Variants in KHDRBS3 observed in about 807,000 individuals in gnomAD.
KHDRBS3 encodes KH domain-containing, RNA-binding, signal transduction-associated protein 3.
KHDRBS3 carries 23 observed loss-of-function variants against 45.6 expected under a neutral mutation model. That is an observed-to-expected ratio of 0.50 (90% CI 0.36 to 0.72). KHDRBS3 has a LOEUF of 0.72. KHDRBS3 is among the 30% of genes least tolerant of loss of function. KHDRBS3 has a pLI of 0.00. For missense variants in KHDRBS3, 352 were observed against 424.8 expected (o/e 0.83, Z 1.51); for synonymous variants, 162 against 156.5 (o/e 1.04, Z -0.26).
intron 5 of KHDRBS3, among the ~76,000 whole-genome samples, chr8:135,559,844 C>T (rs1031151942): frequency 1.2e-4 from 18 of 152,290 alleles, no homozygotes; most frequent in South Asian, 1.0e-3. Context: ...TCTCCTACCC[C>T]TTTGAAATAA....
chr8:135,473,819 C>A (rs946771417), intron 1 of KHDRBS3, among the ~76,000 whole-genome samples: 1 of 152,198 alleles, frequency 6.6e-6, no homozygotes, highest in Non-Finnish European at 1.5e-5. Context: ...AAGGGCCCCT[C>A]CTCAGAAGAC....
At chr8:135,485,945 G>A (rs142098437) in intron 1 of KHDRBS3, among the ~76,000 whole-genome samples, 3 of 151,046 alleles carry the variant, frequency 2.0e-5, no homozygotes, top group African/African-American at 7.3e-5. Flanking sequence ...ACTACCAAGG[G>A]CCTTAGCTCC....
downstream of KHDRBS3, among the ~76,000 whole-genome samples, chr8:135,649,478 T>C (rs1388555124): frequency 6.6e-6 from 1 of 152,202 alleles, no homozygotes; most frequent in Non-Finnish European, 1.5e-5. Context: ...GTGAGCTTGG[T>C]TTTTTCCCTA....
chr8:135,504,456 G>A (rs1823889310), intron 1 of KHDRBS3, among the ~76,000 whole-genome samples: 1 of 152,168 alleles, frequency 6.6e-6, no homozygotes, highest in South Asian at 2.1e-4. Flanking sequence ...GCTGGTTGTA[G>A]CATTTGTATG....
Position 135,619,552 on chromosome 8 carries a change from T to C in KHDRBS3, c.890+12515T>C, listed in dbSNP as rs1383497203. ...ATTTAACCTGTGCTCTAGAGTAAAATGGGGATGACAATAATAGTACTGACC... is the reference window on the plus strand; with the variant it reads ...ATTTAACCTGTGCTCTAGAGTAAAACGGGGATGACAATAATAGTACTGACC... On this transcript the variant is annotated intron_variant, in intron 7 of 8. Transcript: ENST00000355849. Among the ~76,000 whole-genome samples the C allele has an allele frequency of 1.3e-5, 2 of 152,128 alleles. 1 individual carries two copies. The highest frequency in any genetic ancestry group is 2.9e-5 in the Non-Finnish European group (2 of 68,022).
intron 6 of KHDRBS3, among the ~76,000 whole-genome samples, chr8:135,589,252 T>C (rs1828628195): frequency 6.6e-6 from 1 of 152,192 alleles, no homozygotes; most frequent in African/African-American, 2.4e-5. Flanking sequence ...AAATAATGTA[T>C]TCTTCATACT....
intron 1 of KHDRBS3, among the ~76,000 whole-genome samples, chr8:135,495,767 G>T (rs1353315487): frequency 6.6e-6 from 1 of 152,130 alleles, no homozygotes; most frequent in African/African-American, 2.4e-5. Context: ...GGCCATCACT[G>T]GATGGATAGG....
At chr8:135,559,222 A>G (rs538223250) in intron 5 of KHDRBS3, among the ~76,000 whole-genome samples, 1 of 152,264 alleles carries the variant, frequency 6.6e-6, no homozygotes, top group African/African-American at 2.4e-5. Flanking sequence ...TTCTTTTTCT[A>G]GATAAGGTTC....
intron 1 of KHDRBS3, among the ~76,000 whole-genome samples, chr8:135,476,234 C>T (rs779952518): frequency 1.4e-4 from 22 of 152,076 alleles, no homozygotes; most frequent in Non-Finnish European, 2.5e-4. Context: ...ACCTCTGCCT[C>T]TTGGGTTCAA....
At chr8:135,650,026 G>A (rs1283962176), downstream of KHDRBS3, among the ~76,000 whole-genome samples, 3 of 151,914 alleles carry the variant, frequency 2.0e-5, no homozygotes, top group Non-Finnish European at 2.9e-5. Context: ...GTCTTCTCAC[G>A]TCTCTAAGAG....
chr8:135,504,411 T>C (rs886946272), intron 1 of KHDRBS3, among the ~76,000 whole-genome samples: 3 of 152,210 alleles, frequency 2.0e-5, no homozygotes, highest in Non-Finnish European at 4.4e-5. Flanking sequence ...TTGGCTTCAT[T>C]TGTTCCCAAG....
At chr8:135,564,965 A>C (rs571582963) in intron 5 of KHDRBS3, among the ~76,000 whole-genome samples, 1 of 152,228 alleles carries the variant, frequency 6.6e-6, no homozygotes, top group South Asian at 2.1e-4. Flanking sequence ...TAGCGTTCTA[A>C]ATGTTAAAAT....
At chr8:135,645,826 A>G (rs2131203309) in intron 8 of KHDRBS3, among the ~76,000 whole-genome samples, 1 of 152,316 alleles carries the variant, frequency 6.6e-6, no homozygotes, top group Admixed American at 6.5e-5. Context: ...ATCAGTTGCA[A>G]AGCTCTGATG....
At chr8:135,460,865 C>A (rs1277929463) in intron 1 of KHDRBS3, among the ~76,000 whole-genome samples, 2 of 151,810 alleles carry the variant, frequency 1.3e-5, no homozygotes, top group African/African-American at 4.9e-5. Context: ...GAGGTGTAGT[C>A]GTTCTTTAAA....
intron 2 of KHDRBS3, chr8:135,540,249 G>A (rs1825978698): frequency 1.3e-5 from 2 of 152,138 alleles, no homozygotes; most frequent in Non-Finnish European, 2.9e-5. Context: ...TAGATAAATG[G>A]TAACGGAGAC....
chr8:135,586,140 T>C (rs1046770624), intron 6 of KHDRBS3, among the ~76,000 whole-genome samples: 1 of 152,148 alleles, frequency 6.6e-6, no homozygotes, highest in African/African-American at 2.4e-5. Context: ...CACAAGGCAC[T>C]TTGATATATG....
At chr8:135,607,110 A>T in intron 7 of KHDRBS3, 73 bp downstream of exon 7, 1 of 1,186,766 alleles carries the variant, frequency 8.4e-7, no homozygotes, top group South Asian at 1.4e-5. Context: ...TTCTGGGAAA[A>T]GTATGGCAGT....
intron 2 of KHDRBS3, among the ~76,000 whole-genome samples, chr8:135,522,493 C>T (rs999010858): frequency 2.0e-5 from 3 of 152,100 alleles, no homozygotes; most frequent in African/African-American, 4.8e-5. Context: ...TACTTTTTTC[C>T]AAAGCACTTA....
chr8:135,617,347 T>A (rs1281404350), intron 7 of KHDRBS3, among the ~76,000 whole-genome samples: 1 of 151,894 alleles, frequency 6.6e-6, no homozygotes, highest in Non-Finnish European at 1.5e-5. Context: ...GCACCATCTT[T>A]GCTTACTGCA....
Sources: allele counts gnomAD v4.1 joint callset (sites outside exome capture counted in the v4.1 genomes callset), GRCh38; gene constraint gnomAD v4.1.1; transcripts MANE v1.5; gene names NCBI Gene and HGNC (gene_info 2026-07-23, HGNC 2026-07-21).